The following CYP46A1 variants were observed in gnomAD, a reference collection of about 807,000 sequenced individuals.
CYP46A1 encodes cytochrome P450 family 46 subfamily A member 1, also known as cholesterol 24-hydroxylase.
CYP46A1 carries 20 observed loss-of-function variants against 63.3 expected under a neutral mutation model. The ratio of observed to expected loss-of-function variants is 0.32; its 90% CI spans 0.22 to 0.46. The LOEUF is 0.46. CYP46A1 is among the 20% of genes least tolerant of loss of function. The probability of loss-of-function intolerance (pLI) is 1.00; values close to 1 mark genes in which losing one functional copy is unlikely to be tolerated. For missense variants in CYP46A1, 445 were observed against 670.8 expected (o/e 0.66, Z 3.72); for synonymous variants, 268 against 273.6 (o/e 0.98, Z 0.20).
At chr14:99,685,513 T>TC (rs2056486456) in intron 1 of CYP46A1, among the ~76,000 whole-genome samples, 1 of 151,498 alleles carries the variant, frequency 6.6e-6, no homozygotes, top group South Asian at 2.1e-4. Flanking sequence ...GTTGACTGTC[T>TC]CCCCCTCTAG....
chr14:99,712,434 CTT>C (rs1249983580), intron 7 of CYP46A1: 2 of 152,106 alleles, frequency 1.3e-5, no homozygotes, highest in African/African-American at 4.8e-5. Context: ...TGATGAATGA[CTT>C]CAGTAAAGTT....
chr14:99,716,216 G>A lies in CYP46A1; in HGVS notation c.907+17G>A, dbSNP rs1595202060. On this transcript the variant is annotated intron_variant, in intron 9 of 14. Transcript: ENST00000261835. ...TCATTGCTGGTTTGTAGCTTTGGCG[G>A]TGGCCAAGGGCCCGGAGCTCTGCAG... 1 of 1,613,848 alleles carries A rather than the reference G, an allele frequency of 6.2e-7. No homozygotes were observed.
chr14:99,712,501 A>G (rs2056743516), intron 7 of CYP46A1: 1 of 152,186 alleles, frequency 6.6e-6, no homozygotes, highest in Non-Finnish European at 1.5e-5. Flanking sequence ...ATACACCAAT[A>G]ATGAACTCAT....
intron 7 of CYP46A1, chr14:99,708,109 C>G: frequency 3.8e-6 from 1 of 262,166 alleles, no homozygotes; most frequent in South Asian, 4.3e-5. Flanking sequence ...CAGCTACCAC[C>G]ACCTGCACGC....
At chr14:99,686,729 T>C (rs891439444) in intron 1 of CYP46A1, among the ~76,000 whole-genome samples, 4 of 152,130 alleles carry the variant, frequency 2.6e-5, no homozygotes, top group African/African-American at 9.7e-5. Context: ...TACCACAGAG[T>C]CTACATGTGA....
At chr14:99,685,437 C>T (rs2056485727) in intron 1 of CYP46A1, among the ~76,000 whole-genome samples, 1 of 150,662 alleles carries the variant, frequency 6.6e-6, no homozygotes, top group Admixed American at 6.6e-5. Flanking sequence ...CACCCAGCCC[C>T]AGACTTCTCA....
intron 1 of CYP46A1, 132 bp from the exon 2 acceptor site, chr14:99,690,949 A>T: frequency 1.3e-6 from 1 of 782,956 alleles, no homozygotes. Flanking sequence ...GGTGTCCCTG[A>T]GCCAGTGCTG....
chr14:99,718,987 C>T (rs188104574), intron 10 of CYP46A1, among the ~76,000 whole-genome samples: 17 of 152,188 alleles, frequency 1.1e-4, no homozygotes, highest in African/African-American at 3.6e-4. Flanking sequence ...TTCTCACCTA[C>T]GCATGAGCAG....
intron 5 of CYP46A1, among the ~76,000 whole-genome samples, chr14:99,700,773 T>C (rs1433363204): frequency 6.6e-6 from 1 of 152,248 alleles, no homozygotes; most frequent in Non-Finnish European, 1.5e-5. Flanking sequence ...ATGGGTTCCT[T>C]CTACTTACAG....
At chr14:99,687,290 G>A (rs2056502782) in intron 1 of CYP46A1, among the ~76,000 whole-genome samples, 1 of 152,184 alleles carries the variant, frequency 6.6e-6, no homozygotes, top group Non-Finnish European at 1.5e-5. Context: ...TGGTAATGTG[G>A]GAGTGGATGT....
In CYP46A1 at chr14:99,691,838, G is replaced by A. The variant is rs781586799; in HGVS notation, c.259G>A (p.Val87Ile). Residue 87 changes from valine (V) to isoleucine (I), a missense_variant, in exon 3 of 15, where the codon GTC (valine) becomes ATC (isoleucine). By Grantham distance (29) the Val-to-Ile change is conservative (BLOSUM62 3). This residue lies in a region of CYP46A1 where 252 missense variants were observed against 383.3 expected (regional missense o/e 0.66). Coordinates refer to ENST00000261835, the MANE Select transcript of CYP46A1 (RefSeq NM_006668.2). Reference sequence around the variant, plus strand: ...CGTCTTCCACAAAACCTCAGTCATCGTCACGAGTCCTGAGTCGGTTAAGGT... The same window carrying A: ...CGTCTTCCACAAAACCTCAGTCATCATCACGAGTCCTGAGTCGGTTAAGGT... ...VNVFHKTSVI[V>I]TSPESVKKFL... 4.3e-6 allele frequency: 7 copies of A among 1,614,074 alleles called. No homozygotes were observed. In the Admixed American group the frequency reaches 5.0e-5, roughly 12 times the overall value.
intron 1 of CYP46A1, among the ~76,000 whole-genome samples, chr14:99,689,730 T>C (rs767823250): frequency 6.6e-6 from 1 of 152,210 alleles, no homozygotes; most frequent in Non-Finnish European, 1.5e-5. Flanking sequence ...CTTCTTATCA[T>C]TGCCTCCGCT....
In CYP46A1 at chr14:99,722,981, C is replaced by T; in HGVS notation, c.1176+915C>T. On this transcript the variant is annotated intron_variant, in intron 12 of 14. Coordinates refer to ENST00000261835, the MANE Select transcript of CYP46A1 (RefSeq NM_006668.2). The surrounding 1 kb of genome is among the most constrained non-coding windows in gnomAD (Gnocchi z 4.6). The stretch of plus-strand genomic sequence containing the variant: ...TGTTCAGCTTTACAAACGAACGCCA[C>T]ATTGTTTTCCAAAGTGGCTGCACCA... 2.3e-6 allele frequency: 1 copy of T among 429,972 alleles called. No individual in the cohort carries two copies. Among genetic ancestry groups the T allele is most frequent in the Admixed American group, 2.4e-5 (1 of 41,094 alleles). The allele number at this position is 429,972 out of a possible 1,614,324, so 26.6% of individuals were successfully genotyped here.
At chr14:99,701,741 C>T (rs544786839) in intron 5 of CYP46A1, among the ~76,000 whole-genome samples, 2 of 152,292 alleles carry the variant, frequency 1.3e-5, no homozygotes, top group South Asian at 4.1e-4. Context: ...TAACCATCAA[C>T]ACAGCACATT....
intron 5 of CYP46A1, among the ~76,000 whole-genome samples, chr14:99,704,073 C>T (rs2056654503): frequency 6.6e-6 from 1 of 152,166 alleles, no homozygotes; most frequent in African/African-American, 2.4e-5. Flanking sequence ...GGAAGCATCT[C>T]CAGCACATAG....
At chr14:99,686,215 A>G (rs2056492866) in intron 1 of CYP46A1, among the ~76,000 whole-genome samples, 1 of 152,188 alleles carries the variant, frequency 6.6e-6, no homozygotes, top group Non-Finnish European at 1.5e-5. Flanking sequence ...AGAAGCCATC[A>G]GCACTTAGAA....
chr14:99,694,813 T>A (rs1427691587), intron 3 of CYP46A1, among the ~76,000 whole-genome samples: 1 of 152,208 alleles, frequency 6.6e-6, no homozygotes, highest in African/African-American at 2.4e-5. Flanking sequence ...TTTCTCCTCT[T>A]TCTTATTTCC....
intron 4 of CYP46A1, 109 bp from the exon 5 acceptor site, chr14:99,699,906 G>A (rs764979183): frequency 1.6e-5 from 12 of 772,592 alleles, no homozygotes; most frequent in Middle Eastern, 4.8e-4. Context: ...CGTCGCCACC[G>A]CCTAGCTCCA....
At chr14:99,720,459 C>CTTTTTTT (rs34168201) in intron 10 of CYP46A1, among the ~76,000 whole-genome samples, 1 of 127,386 alleles carries the variant, frequency 7.9e-6, no homozygotes, top group Non-Finnish European at 1.6e-5. Flanking sequence ...CAGATCCACT[C>CTTTTTTT]TTTTTTTTTT....
Sources: allele counts gnomAD v4.1 joint callset (sites outside exome capture counted in the v4.1 genomes callset), GRCh38; gene constraint gnomAD v4.1.1; regional missense constraint gnomAD v4.1.1; non-coding constraint Gnocchi (gnomAD v3.1); transcripts MANE v1.5; gene names NCBI Gene and HGNC (gene_info 2026-07-23, HGNC 2026-07-21).